MYT1: variants seen among roughly 807,000 people sequenced by gnomAD.
The protein encoded by MYT1 is myelin transcription factor I.
In MYT1, 23 loss-of-function variants were observed where a neutral mutation model predicts 123.0. That is an observed-to-expected ratio of 0.19 (90% confidence interval 0.13 to 0.26). The LOEUF is 0.26. Among genes scored for constraint, MYT1 ranks in the 10% least tolerant of loss-of-function variants. MYT1 has a pLI of 1.00. For synonymous variants in MYT1, 518 were observed against 575.3 expected (o/e 0.90, Z 1.43); for missense variants, 1,125 against 1,472.5 (o/e 0.76, Z 3.86).
chr20:64,175,854 T>C (rs1982429660), intron 1 of MYT1, among the ~76,000 whole-genome samples: 1 of 6,418 alleles, frequency 1.6e-4, no homozygotes, highest in Non-Finnish European at 2.6e-4. Context: ...TGTAGTTGTG[T>C]CCATTTCCCC....
At chr20:64,233,164 TCCCTTTCCCTCCCCTCTC>T (rs1403612348) in intron 19 of MYT1, among the ~76,000 whole-genome samples, 4 of 110,574 alleles carry the variant, frequency 3.6e-5, no homozygotes, top group Non-Finnish European at 7.4e-5. Flanking sequence ...CCTTCCTCCT[TCCCTTTCCCTCCCCTCTC>T]CCCTTTCCTC....
At chr20:64,216,659 G>T (rs972084953) in intron 10 of MYT1, among the ~76,000 whole-genome samples, 1 of 152,208 alleles carries the variant, frequency 6.6e-6, no homozygotes, top group Admixed American at 6.5e-5. Flanking sequence ...ATGCTGCCTT[G>T]GAGTGTCTTG....
chr20:64,240,311 G>T lies in MYT1; in HGVS notation c.3238-9G>T, dbSNP rs1047906580. On this transcript the variant is annotated splice_polypyrimidine_tract_variant and intron_variant, in intron 22 of 22. Coordinates refer to ENST00000328439, the MANE Select transcript of MYT1 (RefSeq NM_004535.3). ...GGACGGAGCTTGCTAACCTGGTTCT[G>T]TTCTCTAGGAGCCAATATGCGAACA... 30 of 1,613,146 alleles carry T rather than the reference G, an allele frequency of 1.9e-5. No homozygotes were observed. Among genetic ancestry groups the T allele is most frequent in the Non-Finnish European group, 2.5e-5 (30 of 1,179,446 alleles).
At position 64,208,179 on chromosome 20, in the gene MYT1, T is replaced by G; in HGVS notation, c.983T>G (p.Leu328Arg). Residue 328 changes from leucine (L) to arginine (R), a missense_variant, in exon 7 of 23, where the codon CTC (leucine) becomes CGC (arginine). Coordinates refer to ENST00000328439, the MANE Select transcript of MYT1 (RefSeq NM_004535.3). The surrounding 1 kb of genome is among the most constrained non-coding windows in gnomAD (Gnocchi z 5.4). ...ACCTCTGCCCAGAAGGCCCCTGAGC[T>G]CCGGGGCCCAGAATCACCCAGTCCC... ...SHTSAQKAPE[L>R]RGPESPSPKP... 2 of 1,613,744 alleles carry G rather than the reference T, an allele frequency of 1.2e-6. No homozygotes were observed. The highest frequency in any genetic ancestry group is 1.6e-4 in the Middle Eastern group (1 of 6,062).
intron 6 of MYT1, 128 bp downstream of exon 6, chr20:64,205,928 G>GT: frequency 7.0e-7 from 1 of 1,423,936 alleles, no homozygotes; most frequent in Non-Finnish European, 9.4e-7. Context: ...GGCATGTCTT[G>GT]TCCCAACATG....
Position 64,212,173 on chromosome 20 carries a change from G to C in MYT1, c.1517+35G>C, listed in dbSNP as rs1983687734. 3 of 1,193,010 alleles carry C rather than the reference G, an allele frequency of 2.5e-6. No individual in the cohort carries two copies. In the East Asian group the frequency reaches 7.6e-5, roughly 30 times the overall value. 73.9% of individuals were successfully genotyped at this position (1,193,010 alleles called of 1,614,324 possible). A position where few individuals can be genotyped will look rare whatever the true frequency, so the allele number is the denominator to read the frequency against. On this transcript the variant is annotated intron_variant, in intron 9 of 22. Transcript: ENST00000328439. The surrounding 1 kb of genome is among the most constrained non-coding windows in gnomAD (Gnocchi z 6.8). ...CTGAGCTGGGCCGTAGTGGGGGCCA[G>C]GGTGGGGGCCGTGGTGGGGGCCAGG...
At chr20:64,207,087 T>G (rs886522896) in intron 6 of MYT1, among the ~76,000 whole-genome samples, 2 of 152,226 alleles carry the variant, frequency 1.3e-5, no homozygotes, top group African/African-American at 4.8e-5. Flanking sequence ...TTTCGCCATG[T>G]TGACCAGGCT....
chr20:64,208,584 T>G lies in MYT1; in HGVS notation c.1291+97T>G. 6.8e-7 allele frequency: 1 copy of G among 1,468,218 alleles called. No homozygotes were observed. The highest frequency in any genetic ancestry group is 9.0e-7 in the Non-Finnish European group (1 of 1,111,528). The allele number at this position is 1,468,218 out of a possible 1,614,324, so 90.9% of individuals were successfully genotyped here. A position where few individuals can be genotyped will look rare whatever the true frequency, so the allele number is the denominator to read the frequency against. On this transcript the variant is annotated intron_variant, in intron 7 of 22. Coordinates refer to ENST00000328439, the MANE Select transcript of MYT1 (RefSeq NM_004535.3). The surrounding 1 kb of genome is among the most constrained non-coding windows in gnomAD (Gnocchi z 5.4). ...TGAGAGCCCTTCTAGGACAGGGGGC[T>G]GGGGGATGGCAGAAAAGCAGACAAA...
At chr20:64,222,094 C>T in intron 14 of MYT1, 47 bp downstream of exon 14, 5 of 1,604,954 alleles carry the variant, frequency 3.1e-6, no homozygotes, top group Non-Finnish European at 4.3e-6. Context: ...CCCTCTGTGG[C>T]CTGGGGAGGA....
chr20:64,178,433 C>T (rs1432764523), intron 1 of MYT1, among the ~76,000 whole-genome samples: 1 of 152,204 alleles, frequency 6.6e-6, no homozygotes. Flanking sequence ...GTTTTTAGCA[C>T]TCCTCGCCTT....
At chr20:64,228,234 A>G in intron 18 of MYT1, 1 of 506,314 alleles carries the variant, frequency 2.0e-6, no homozygotes, top group Non-Finnish European at 3.5e-6. Context: ...GGAGTATTTG[A>G]CGGGGCTGGG....
At chr20:64,225,491 G>A (rs886343421) in intron 16 of MYT1, among the ~76,000 whole-genome samples, 12 of 152,232 alleles carry the variant, frequency 7.9e-5, no homozygotes, top group Non-Finnish European at 1.5e-4. Flanking sequence ...CTCATCTTGT[G>A]TTGGGAGTTG....
Position 64,212,033 on chromosome 20 carries a change from C to T in MYT1, c.1427-15C>T, listed in dbSNP as rs73626454. 3 of 1,609,754 alleles carry T rather than the reference C, an allele frequency of 1.9e-6. No homozygotes were observed. Among genetic ancestry groups the T allele is most frequent in the African/African-American group, 1.3e-5 (1 of 74,866 alleles). ...CTGACAGCCTCGGCTCCCTCCACCC[C>T]CTGTTCTCTTACAGTCTTAGCCATG... On this transcript the variant is annotated splice_polypyrimidine_tract_variant and intron_variant, in intron 8 of 22. Coordinates refer to ENST00000328439, the MANE Select transcript of MYT1 (RefSeq NM_004535.3). This position sits in a 1 kb window ranked among gnomAD's most constrained non-coding sequence, Gnocchi z 6.8.
intron 1 of MYT1, among the ~76,000 whole-genome samples, chr20:64,181,555 C>G (rs1383715941): frequency 6.6e-6 from 1 of 152,212 alleles, no homozygotes; most frequent in Non-Finnish European, 1.5e-5. Context: ...CTGTCACTGT[C>G]TGGGCTGGGC....
In MYT1 at chr20:64,196,070, G is replaced by A. The variant is rs943963884; in HGVS notation, c.1-2792G>A. 5.3e-5 allele frequency among the ~76,000 whole-genome samples: 8 copies of A among 152,218 alleles called. No individual in the cohort carries two copies. The highest frequency in any genetic ancestry group is 1.2e-4 in the African/African-American group (5 of 41,448). Reference sequence around the variant, plus strand: ...AGCAGTAAGAGTGGGTGATGGGGTCGTTCTGCCTTTTCACTCTCAAGGGGA... The same window carrying A: ...AGCAGTAAGAGTGGGTGATGGGGTCATTCTGCCTTTTCACTCTCAAGGGGA... On this transcript the variant is annotated intron_variant, in intron 2 of 22. Transcript: ENST00000328439. This position sits in a 1 kb window ranked among gnomAD's most constrained non-coding sequence, Gnocchi z 4.3.
chr20:64,220,510 A>C (rs1258862703), intron 13 of MYT1, among the ~76,000 whole-genome samples: 2 of 152,192 alleles, frequency 1.3e-5, no homozygotes, highest in Non-Finnish European at 2.9e-5. Context: ...GTGGTCTGGG[A>C]AGCAGGGGAT....
At chr20:64,169,620 C>T (rs560661064) in intron 1 of MYT1, among the ~76,000 whole-genome samples, 2 of 152,206 alleles carry the variant, frequency 1.3e-5, no homozygotes, top group East Asian at 1.9e-4. Context: ...GGTTGTCAGT[C>T]GCTCGTCAGC....
chr20:64,223,258 G>A, intron 15 of MYT1, 33 bp from the exon 16 acceptor site: 3 of 1,613,850 alleles, frequency 1.9e-6, no homozygotes, highest in Non-Finnish European at 2.5e-6. Context: ...TCCCTCTTTG[G>A]CTTACCCCAA....
chr20:64,182,625 C>T (rs1243546779), intron 1 of MYT1, among the ~76,000 whole-genome samples: 4 of 152,200 alleles, frequency 2.6e-5, no homozygotes, highest in Non-Finnish European at 5.9e-5. Flanking sequence ...TGGCCTGTCT[C>T]GTGTCACTCG....
Sources: allele counts gnomAD v4.1 joint callset (sites outside exome capture counted in the v4.1 genomes callset), GRCh38; gene constraint gnomAD v4.1.1; non-coding constraint Gnocchi (gnomAD v3.1); transcripts MANE v1.5; gene names NCBI Gene and HGNC (gene_info 2026-07-23, HGNC 2026-07-21).